The following ZNF888 variants were observed in gnomAD, a reference collection of about 807,000 sequenced individuals.
The protein encoded by ZNF888 is zinc finger protein 888, also known as CTD-2331H12.6.
A neutral mutation model predicts 7.2 loss-of-function variants in ZNF888; 5 were observed. That is an observed-to-expected ratio of 0.70 (90% CI 0.36 to 1.46). The LOEUF is 1.46. Ranked by LOEUF, ZNF888 falls within the 40% of genes most tolerant of loss-of-function variation. The pLI, the probability that ZNF888 is intolerant of heterozygous loss-of-function variation, is 0.03. For synonymous variants in ZNF888, 240 were observed against 284.3 expected (o/e 0.84, Z 1.57); for missense variants, 716 against 858.0 (o/e 0.83, Z 2.07).
chr19:52,922,644 C>A (rs977766185), intron 1 of ZNF888, among the ~76,000 whole-genome samples: 51 of 149,214 alleles, frequency 3.4e-4, no homozygotes, highest in Non-Finnish European at 4.4e-5. Flanking sequence ...GGTCTTTCTC[C>A]TTCTTCTTTT....
rs2064770370 is a variant in ZNF888, at chr19:52,917,924, C to T, written c.-51G>A. 1.9e-6 allele frequency: 3 copies of T among 1,609,330 alleles called. No homozygotes were observed. In the African/African-American group the frequency reaches 4.0e-5, roughly 21 times the overall value. ...CTCTTCTGAGTTTCTTCTTCACATACCCAGAGTCTTTAGAAGTCAATCATG... is the reference window on the plus strand; with the variant it reads ...CTCTTCTGAGTTTCTTCTTCACATATCCAGAGTCTTTAGAAGTCAATCATG... On this transcript the variant is annotated 5_prime_UTR_variant, in exon 3 of 5. Coordinates refer to ENST00000638862, the MANE Select transcript of ZNF888 (RefSeq NM_001393938.1).
Position 52,905,684 on chromosome 19 carries a change from A to C in ZNF888, c.*481T>G, listed in dbSNP as rs1189005542. ...CTCAACGTTAAGTCAACTCAAACTC[A>C]AGTCAATGCTGAACTGACTCTAGTG... On this transcript the variant is annotated 3_prime_UTR_variant, in exon 5 of 5. Coordinates refer to ENST00000638862, the MANE Select transcript of ZNF888 (RefSeq NM_001393938.1). 4.8e-6 allele frequency: 2 copies of C among 415,868 alleles called. No individual in the cohort carries two copies. Among genetic ancestry groups the C allele is most frequent in the African/African-American group, 2.0e-5 (1 of 49,198 alleles). 25.8% of individuals were successfully genotyped at this position (415,868 alleles called of 1,614,324 possible).
chr19:52,919,953 CTCT>C (rs2147939553), intron 1 of ZNF888, among the ~76,000 whole-genome samples: 1 of 59,974 alleles, frequency 1.7e-5, no homozygotes, highest in Admixed American at 1.9e-4. Flanking sequence ...TGAGGAGCCC[CTCT>C]GCCCGGCCAG....
chr19:52,918,160 AGCT>A (rs2064772577), intron 2 of ZNF888: 1 of 985,256 alleles, frequency 1.0e-6, no homozygotes, highest in African/African-American at 1.7e-5. Flanking sequence ...GGCTGGAATG[AGCT>A]CCCCTTCAAG....
In ZNF888 at chr19:52,904,952, T is replaced by C. The variant is rs1285355285; in HGVS notation, c.*1213A>G. ...AACAATAAACAATTTTAAAAGAAAA[T>C]TTAAAAACACTTCCATTTGCTAGAG... On this transcript the variant is annotated 3_prime_UTR_variant, in exon 5 of 5. Transcript: ENST00000638862. The C allele has an allele frequency of 6.6e-6, 1 of 152,368 alleles. No individual in the cohort carries two copies. The highest frequency in any genetic ancestry group is 1.5e-5 in the Non-Finnish European group (1 of 68,004). 9.4% of individuals were successfully genotyped at this position (152,368 alleles called of 1,614,324 possible). A position where few individuals can be genotyped will look rare whatever the true frequency, so the allele number is the denominator to read the frequency against.
Position 52,908,190 on chromosome 19 carries a change from T to A in ZNF888, c.143-11A>T. 6.2e-7 allele frequency: 1 copy of A among 1,611,900 alleles called. No individual in the cohort carries two copies. The highest frequency in any genetic ancestry group is 8.5e-7 in the Non-Finnish European group (1 of 1,178,144). On this transcript the variant is annotated splice_polypyrimidine_tract_variant and intron_variant, in intron 4 of 4. Coordinates refer to ENST00000638862, the MANE Select transcript of ZNF888 (RefSeq NM_001393938.1). ...ATTTGGAAGAGATATCTACAAAATA[T>A]AAACGCCAATAGTTTTCCAATTCAG...
chr19:52,923,305 C>T (rs2147943918), intron 1 of ZNF888, 64 bp downstream of exon 1: 1 of 985,572 alleles, frequency 1.0e-6, no homozygotes, highest in African/African-American at 1.7e-5. Flanking sequence ...GACCCCACAT[C>T]CCAGGTACAG....
In ZNF888 at chr19:52,920,632, T is replaced by C. The variant is rs2064815637; in HGVS notation, c.-177-1695A>G. ...ACTTTAGCCTCCACAATCTTTTCTC[T>C]TAACCTGAACATTTCCTTTCTATGG... is the stretch of plus-strand genomic sequence containing the variant. On this transcript the variant is annotated intron_variant, in intron 1 of 4. Transcript: ENST00000638862. 6.2e-5 allele frequency among the ~76,000 whole-genome samples: 4 copies of C among 64,670 alleles called. 2 individuals are homozygous for C. The highest frequency in any genetic ancestry group is 1.9e-4 in the African/African-American group (4 of 20,678). The allele number at this position is 64,670 out of a possible 152,430, so 42.4% of individuals were successfully genotyped here. A position where few individuals can be genotyped will look rare whatever the true frequency, so the allele number is the denominator to read the frequency against.
At chr19:52,918,360 G>T in intron 2 of ZNF888, 1 of 215,506 alleles carries the variant, frequency 4.6e-6, no homozygotes, top group Non-Finnish European at 7.9e-6. Context: ...GTATGGTGGT[G>T]CACATCTGTG....
chr19:52,914,082 A>C (rs1473093579), intron 4 of ZNF888, among the ~76,000 whole-genome samples: 1 of 152,242 alleles, frequency 6.6e-6, no homozygotes, highest in African/African-American at 2.4e-5. Flanking sequence ...CCAAAATTGC[A>C]CCACTGCACT....
chr19:52,918,445 C>A (rs973928938), intron 2 of ZNF888, among the ~76,000 whole-genome samples: 4 of 152,066 alleles, frequency 2.6e-5, no homozygotes, highest in African/African-American at 9.7e-5. Context: ...ACCAGCCTGG[C>A]AAACATGGTG....
chr19:52,921,464 T>C (rs1056408820), intron 1 of ZNF888, among the ~76,000 whole-genome samples: 2 of 152,204 alleles, frequency 1.3e-5, no homozygotes, highest in African/African-American at 4.8e-5. Flanking sequence ...TGTGCCTGAA[T>C]TCTTACATGG....
chr19:52,913,320 CTTTTTTTTTTTT>C (rs34481338), intron 4 of ZNF888, among the ~76,000 whole-genome samples: 1 of 92,082 alleles, frequency 1.1e-5, no homozygotes, highest in Non-Finnish European at 2.1e-5. Flanking sequence ...GTTATGGATT[CTTTTTTTTTTTT>C]TTTTTTTTTT....
chr19:52,912,214 C>G (rs1310108365), intron 4 of ZNF888, among the ~76,000 whole-genome samples: 1 of 147,766 alleles, frequency 6.8e-6, no homozygotes, highest in African/African-American at 2.5e-5. Context: ...CCCGGGTTAG[C>G]GCCATTCTCC....
intron 4 of ZNF888, among the ~76,000 whole-genome samples, chr19:52,909,517 G>A (rs893985621): frequency 2.0e-5 from 3 of 152,046 alleles, no homozygotes; most frequent in Non-Finnish European, 4.4e-5. Flanking sequence ...TAAATCCTGG[G>A]ATTACAGGCA....
At position 52,906,407 on chromosome 19, in the gene ZNF888, A is replaced by G; in HGVS notation, c.1915T>C (p.Cys639Arg). The G allele has an allele frequency of 6.2e-7, 1 of 1,613,192 alleles. No homozygotes were observed. The highest frequency in any genetic ancestry group is 8.5e-7 in the Non-Finnish European group (1 of 1,179,526). The change falls in exon 5 of 5, where the codon TGC becomes CGC. Residue 639 changes from cysteine (C) to arginine (R), a missense_variant. By Grantham distance (180) the Cys-to-Arg change is radical (BLOSUM62 -3). Around this residue, in one of 2 missense-constraint regions of ZNF888, gnomAD observed 697 missense variants for 803.4 expected, o/e 0.87. Transcript: ENST00000638862. ...TGEKPYKCRV[C>R]DKAFGRDSYL... ...GAATCACGCCCAAAAGCCTTGTCGC[A>G]AACCCTACATTTGTATGGTTTCTCT... is the stretch of plus-strand genomic sequence containing the variant.
rs375772976 is a variant in ZNF888, at chr19:52,913,792, C to T, written c.142+1404G>A. ...TATTCACACTGGAATCATGCTTAAA[C>T]CACTTATATGTTTACTAAGAACTAA... On this transcript the variant is annotated intron_variant, in intron 4 of 4. Coordinates refer to ENST00000638862, the MANE Select transcript of ZNF888 (RefSeq NM_001393938.1). 84 of 949,680 alleles carry T rather than the reference C, an allele frequency of 8.8e-5. No individual in the cohort carries two copies. The South Asian group carries it at 2.7e-3, about 31-fold the overall frequency. The allele number at this position is 949,680 out of a possible 1,614,324, so 58.8% of individuals were successfully genotyped here.
Position 52,917,848 on chromosome 19 carries a change from T to A in ZNF888, c.15+11A>T. On this transcript the variant is annotated intron_variant, in intron 3 of 4. Coordinates refer to ENST00000638862, the MANE Select transcript of ZNF888 (RefSeq NM_001393938.1). Reference sequence around the variant, plus strand: ...AGGAGACAGAACAATCCACAGAGAATATCATCTCACCTGAGGAAGAGCCAT... The same window carrying A: ...AGGAGACAGAACAATCCACAGAGAAAATCATCTCACCTGAGGAAGAGCCAT... 1 of 1,613,578 alleles carries A rather than the reference T, an allele frequency of 6.2e-7. No homozygotes were observed. The highest frequency in any genetic ancestry group is 8.5e-7 in the Non-Finnish European group (1 of 1,179,934).
In ZNF888 at chr19:52,923,427, G is replaced by C. The variant is rs1411633977; in HGVS notation, c.-236C>G. ...CTTCCTGGTCCGGGCGAATCTACAA[G>C]CACAGGACAGAAGCCAGGCCTCCGT... On this transcript the variant is annotated 5_prime_UTR_variant, in exon 1 of 5. Coordinates refer to ENST00000638862, the MANE Select transcript of ZNF888 (RefSeq NM_001393938.1). 1.0e-6 allele frequency: 1 copy of C among 985,704 alleles called. No homozygotes were observed. Among genetic ancestry groups the C allele is most frequent in the African/African-American group, 1.7e-5 (1 of 57,252 alleles). The allele number at this position is 985,704 out of a possible 1,614,324, so 61.1% of individuals were successfully genotyped here.
Sources: gnomAD v4.1 joint callset for allele counts (sites outside exome capture counted in the v4.1 genomes callset) on GRCh38, gnomAD v4.1.1 for gene constraint, gnomAD v4.1.1 regional missense constraint, MANE v1.5 for transcripts, NCBI Gene and HGNC (gene_info 2026-07-23, HGNC 2026-07-21) for gene names.